CXCL13: variants seen among roughly 807,000 people sequenced by gnomAD.
The protein encoded by CXCL13 is C-X-C motif chemokine 13.
CXCL13 carries 7 observed loss-of-function variants against 12.2 expected under a neutral mutation model. The ratio of observed to expected loss-of-function variants is 0.57; its 90% CI spans 0.33 to 1.07. The LOEUF is 1.07. CXCL13 is among the 50% of genes least tolerant of loss of function. The probability of loss-of-function intolerance (pLI) is 0.04; values close to 1 mark genes in which losing one functional copy is unlikely to be tolerated. For synonymous variants in CXCL13, 47 were observed against 42.4 expected, an observed-to-expected ratio of 1.11 and a Z score of -0.42; for missense variants, 113 against 127.4, an observed-to-expected ratio of 0.89 and a Z score of 0.55.
chr4:77,521,117 G>A (rs985394802), intron 1 of CXCL13, among the ~76,000 whole-genome samples: 1 of 152,172 alleles, frequency 6.6e-6, no homozygotes, highest in African/African-American at 2.4e-5. Flanking sequence ...GATTTGGTTT[G>A]CCAGTATTTT....
At chr4:77,544,962 T>C (rs1265534721) in intron 1 of CXCL13, among the ~76,000 whole-genome samples, 1 of 152,350 alleles carries the variant, frequency 6.6e-6, no homozygotes, top group East Asian at 1.9e-4. Flanking sequence ...GCTTTCTACA[T>C]ATGGCTAGGC....
intron 1 of CXCL13, among the ~76,000 whole-genome samples, chr4:77,564,039 C>G (rs1725871964): frequency 6.6e-6 from 1 of 152,158 alleles, no homozygotes; most frequent in Non-Finnish European, 1.5e-5. Flanking sequence ...CCTTGAAATT[C>G]TTAATAATTG....
rs1328970916 is a variant in CXCL13 at position 77,611,212 on chromosome 4, C to T, written c.*173C>T. The T allele has an allele frequency of 1.2e-5, 7 of 583,854 alleles. No individual in the cohort carries two copies. The highest frequency in any genetic ancestry group is 2.5e-5 in the South Asian group (1 of 40,358). The allele number at this position is 583,854 out of a possible 1,614,324, so 36.2% of individuals were successfully genotyped here. A position where few individuals can be genotyped will look rare whatever the true frequency, so the allele number is the denominator to read the frequency against. On this transcript the variant is annotated 3_prime_UTR_variant, in exon 4 of 4. Transcript: ENST00000682537. ...GATGGGGCAAACTCAAGCTTCTTCA[C>T]TCACAGCACCCTATATACACTTGGA...
At chr4:77,547,203 G>A (rs1168181216) in intron 1 of CXCL13, among the ~76,000 whole-genome samples, 3 of 152,078 alleles carry the variant, frequency 2.0e-5, no homozygotes, top group African/African-American at 7.2e-5. Flanking sequence ...GTGCTGAGAA[G>A]AATGTATAAT....
chr4:77,537,232 T>C lies in CXCL13; in HGVS notation c.-43+25444T>C, dbSNP rs183014650. Among the ~76,000 whole-genome samples the C allele has an allele frequency of 9.7e-4, 147 of 152,312 alleles. 2 individuals are homozygous for C. The highest frequency in any genetic ancestry group is 6.4e-3 in the Admixed American group (98 of 15,298). On this transcript the variant is annotated intron_variant, in intron 1 of 4. Transcript: ENST00000286758. ...AGAGTACTACTGCAACCCCTAGACC[T>C]GAAGGTACAAGAGTACAGAGTCATT... is the stretch of plus-strand genomic sequence containing the variant.
chr4:77,553,553 G>T (rs1365848771), intron 1 of CXCL13, among the ~76,000 whole-genome samples: 1 of 152,224 alleles, frequency 6.6e-6, no homozygotes, highest in Non-Finnish European at 1.5e-5. Context: ...TGGATCCCCA[G>T]TGGAAAGGTG....
rs117878404 is a variant in CXCL13 at position 77,543,195 on chromosome 4, G to A, written c.-43+31407G>A. Among the ~76,000 whole-genome samples, 668 of 152,164 alleles carry A rather than the reference G, an allele frequency of 4.4e-3. 17 individuals are homozygous for A. The highest frequency in any genetic ancestry group is 0.026 in the East Asian group (136 of 5,190). ...CTAAGGGCTTTTTGTATTTCTGTGAGATTGGTTGTAAGGTCACTTTTGTCA... is the reference window on the plus strand; with the variant it reads ...CTAAGGGCTTTTTGTATTTCTGTGAAATTGGTTGTAAGGTCACTTTTGTCA... On this transcript the variant is annotated intron_variant, in intron 1 of 4. Coordinates refer to the CXCL13 transcript ENST00000286758.
chr4:77,560,603 A>T (rs1243781275), intron 1 of CXCL13, among the ~76,000 whole-genome samples: 2 of 152,306 alleles, frequency 1.3e-5, no homozygotes, highest in African/African-American at 4.8e-5. Flanking sequence ...TTTCTTAGGT[A>T]TTCCAGACCA....
intron 1 of CXCL13, among the ~76,000 whole-genome samples, chr4:77,599,482 G>T (rs1430857900): frequency 6.6e-6 from 1 of 152,188 alleles, no homozygotes; most frequent in Non-Finnish European, 1.5e-5. Context: ...TTCACAGTTG[G>T]TTGGATCCAC....
intron 1 of CXCL13, among the ~76,000 whole-genome samples, chr4:77,593,381 G>C (rs1358284453): frequency 1.3e-5 from 2 of 152,282 alleles, no homozygotes; most frequent in Admixed American, 1.3e-4. Context: ...TATGTGCCCT[G>C]TATTAGGAAT....
At chr4:77,594,773 G>A (rs1726707647) in intron 1 of CXCL13, among the ~76,000 whole-genome samples, 1 of 152,184 alleles carries the variant, frequency 6.6e-6, no homozygotes, top group Non-Finnish European at 1.5e-5. Context: ...GCTGGGGAAG[G>A]GAGAGCACCA....
intron 1 of CXCL13, among the ~76,000 whole-genome samples, chr4:77,513,443 G>A (rs188452881): frequency 1.5e-4 from 23 of 150,696 alleles, no homozygotes; most frequent in Admixed American, 1.4e-3. Flanking sequence ...TCCAGCATCT[G>A]TTGTTTCCTG....
At chr4:77,576,545 C>T (rs1578061599) in intron 1 of CXCL13, among the ~76,000 whole-genome samples, 1 of 152,160 alleles carries the variant, frequency 6.6e-6, no homozygotes, top group Admixed American at 6.5e-5. Context: ...TTACACCATC[C>T]TTGTCCAGGG....
At chr4:77,606,205 C>A (rs1330142064) in intron 1 of CXCL13, among the ~76,000 whole-genome samples, 1 of 152,168 alleles carries the variant, frequency 6.6e-6, no homozygotes, top group African/African-American at 2.4e-5. Flanking sequence ...TGATTCAGCT[C>A]CTGCTATATA....
intron 1 of CXCL13, among the ~76,000 whole-genome samples, chr4:77,518,526 T>C (rs910992412): frequency 6.6e-6 from 1 of 152,216 alleles, no homozygotes; most frequent in Admixed American, 6.5e-5. Flanking sequence ...ACTTCCCTTC[T>C]TGCTTCATTT....
At chr4:77,599,015 G>T (rs1271501430) in intron 1 of CXCL13, among the ~76,000 whole-genome samples, 1 of 151,960 alleles carries the variant, frequency 6.6e-6, no homozygotes, top group Non-Finnish European at 1.5e-5. Flanking sequence ...CACCATATTG[G>T]CCAGGCTGGT....
rs1222849014 is a variant in CXCL13 at position 77,598,199 on chromosome 4, G to A, written c.-42-7625G>A. 2.0e-5 allele frequency among the ~76,000 whole-genome samples: 3 copies of A among 152,218 alleles called. No homozygotes were observed. The East Asian group carries it at 5.8e-4, about 29-fold the overall frequency. On this transcript the variant is annotated intron_variant, in intron 1 of 4. Transcript: ENST00000286758. Reference sequence around the variant, plus strand: ...CCAGCAACAAGGGGCTGTGGAATATGCTCCTGTGGTAGCAGCTGAAGATTT... The same window carrying A: ...CCAGCAACAAGGGGCTGTGGAATATACTCCTGTGGTAGCAGCTGAAGATTT...
intron 1 of CXCL13, among the ~76,000 whole-genome samples, chr4:77,556,632 A>G (rs1235183817): frequency 1.3e-5 from 2 of 152,234 alleles, no homozygotes; most frequent in African/African-American, 4.8e-5. Context: ...TCATTGTGAT[A>G]ATCTTACAAA....
chr4:77,571,828 G>C (rs1726090004), intron 1 of CXCL13, among the ~76,000 whole-genome samples: 1 of 151,704 alleles, frequency 6.6e-6, no homozygotes, highest in Admixed American at 6.6e-5. Flanking sequence ...GGTCCACGCT[G>C]CTTTTATGAG....
Sources: allele counts gnomAD v4.1 joint callset (sites outside exome capture counted in the v4.1 genomes callset), GRCh38; gene constraint gnomAD v4.1.1; transcripts MANE v1.5; gene names NCBI Gene and HGNC (gene_info 2026-07-23, HGNC 2026-07-21).